The following TBC1D5 variants were observed in gnomAD, a reference collection of about 807,000 sequenced individuals.
TBC1D5 encodes the protein TBC1 domain family member 5.
In TBC1D5, 75 loss-of-function variants were observed where a neutral mutation model predicts 100.3. The ratio of observed to expected loss-of-function variants is 0.75; its 90% CI spans 0.62 to 0.91. The LOEUF (loss-of-function observed/expected upper bound fraction) is 0.91, where lower values mean the gene tolerates loss of function less well. TBC1D5 is among the 40% of genes least tolerant of loss of function. TBC1D5 has a pLI of 0.00. For synonymous variants in TBC1D5, 323 were observed against 325.6 expected, an observed-to-expected ratio of 0.99 and a Z score of 0.09; for missense variants, 910 against 942.4, an observed-to-expected ratio of 0.97 and a Z score of 0.45.
chr3:17,402,728 A>C (rs2093678228), intron 8 of TBC1D5, among the ~76,000 whole-genome samples: 1 of 152,138 alleles, frequency 6.6e-6, no homozygotes, highest in Non-Finnish European at 1.5e-5. Context: ...GATTGAGAGA[A>C]GAAATTGTTT....
intron 3 of TBC1D5, among the ~76,000 whole-genome samples, chr3:17,432,582 A>G (rs1416673344): frequency 1.3e-5 from 2 of 152,158 alleles, no homozygotes; most frequent in Admixed American, 1.3e-4. Context: ...TATAATTTTC[A>G]ATTTTCTTTA....
intron 2 of TBC1D5, among the ~76,000 whole-genome samples, chr3:17,549,701 C>T (rs1434783134): frequency 2.0e-5 from 3 of 152,152 alleles, no homozygotes; most frequent in African/African-American, 7.2e-5. Context: ...GAGGCCAAGG[C>T]TGTTGGATCA....
chr3:17,548,817 A>AT (rs2096444728), intron 2 of TBC1D5, among the ~76,000 whole-genome samples: 1 of 152,224 alleles, frequency 6.6e-6, no homozygotes, highest in Non-Finnish European at 1.5e-5. Context: ...CTTAAGCTAC[A>AT]AAACATACAA....
At chr3:17,660,179 T>C (rs1388207598) in intron 1 of TBC1D5, among the ~76,000 whole-genome samples, 1 of 152,228 alleles carries the variant, frequency 6.6e-6, no homozygotes, top group Non-Finnish European at 1.5e-5. Context: ...TTTTCATTTC[T>C]GTGTTCTGTA....
intron 14 of TBC1D5, among the ~76,000 whole-genome samples, chr3:17,304,317 C>T (rs1278137342): frequency 2.6e-5 from 4 of 152,196 alleles, no homozygotes; most frequent in Admixed American, 2.6e-4. Flanking sequence ...TCCTGTCTCT[C>T]ACTGGGGAAC....
intron 3 of TBC1D5, chr3:17,465,324 T>C (rs2095283818): frequency 5.5e-6 from 1 of 180,664 alleles, no homozygotes; most frequent in Non-Finnish European, 1.2e-5. Context: ...AACTGTGCAC[T>C]GATAGCAGGC....
intron 2 of TBC1D5, among the ~76,000 whole-genome samples, chr3:17,602,123 G>A (rs1001243757): frequency 6.6e-5 from 10 of 152,114 alleles, no homozygotes; most frequent in African/African-American, 9.7e-5. Flanking sequence ...AAGCCATTGC[G>A]CCCGGCCAAT....
chr3:17,296,754 T>C (rs536988544), intron 14 of TBC1D5, among the ~76,000 whole-genome samples: 4 of 152,352 alleles, frequency 2.6e-5, no homozygotes, highest in South Asian at 4.1e-4. Context: ...ACAACCATCC[T>C]TGAAACCTAA....
intron 3 of TBC1D5, among the ~76,000 whole-genome samples, chr3:17,484,589 A>G (rs2095538738): frequency 6.6e-6 from 1 of 151,962 alleles, no homozygotes; most frequent in Non-Finnish European, 1.5e-5. Context: ...CCTCCCACTC[A>G]GGCTCAAGTG....
chr3:17,653,163 G>C (rs1286464502), intron 1 of TBC1D5, among the ~76,000 whole-genome samples: 1 of 152,034 alleles, frequency 6.6e-6, no homozygotes, highest in Non-Finnish European at 1.5e-5. Flanking sequence ...GAGGAGTATG[G>C]GGACAGGTGA....
intron 8 of TBC1D5, among the ~76,000 whole-genome samples, chr3:17,388,066 C>A (rs2093224795): frequency 6.6e-6 from 1 of 151,878 alleles, no homozygotes; most frequent in Admixed American, 6.6e-5. Context: ...TAGAGATGAA[C>A]AGCAAAGATT....
intron 17 of TBC1D5, among the ~76,000 whole-genome samples, chr3:17,222,882 AT>A (rs1342465241): frequency 6.6e-6 from 1 of 152,036 alleles, no homozygotes; most frequent in Non-Finnish European, 1.5e-5. Context: ...TTAATCTAAA[AT>A]TTCAGGTAGA....
At chr3:17,484,500 A>C (rs1255738232) in intron 3 of TBC1D5, among the ~76,000 whole-genome samples, 1 of 133,966 alleles carries the variant, frequency 7.5e-6, no homozygotes, top group Non-Finnish European at 1.5e-5. Context: ...TTGGGTAACA[A>C]TCATAATTAC....
At chr3:17,383,401 C>T (rs73156346) in intron 9 of TBC1D5, among the ~76,000 whole-genome samples, 10,241 of 151,506 alleles carry the variant, frequency 0.068, 691 homozygotes, top group African/African-American at 0.18. Flanking sequence ...TAAAACAACC[C>T]AATAATCTTC....
chr3:17,513,278 G>A (rs1256730411), intron 2 of TBC1D5, among the ~76,000 whole-genome samples: 1 of 151,446 alleles, frequency 6.6e-6, no homozygotes, highest in Non-Finnish European at 1.5e-5. Context: ...GTTGCAGTGA[G>A]CCAAGATCGT....
At chr3:17,666,975 A>T (rs1032385942) in intron 1 of TBC1D5, among the ~76,000 whole-genome samples, 1 of 152,126 alleles carries the variant, frequency 6.6e-6, no homozygotes, top group Non-Finnish European at 1.5e-5. Flanking sequence ...TTCACTCAAC[A>T]GTTAGTGAAT....
At chr3:17,612,177 G>A (rs1365938571) in intron 2 of TBC1D5, among the ~76,000 whole-genome samples, 1 of 151,574 alleles carries the variant, frequency 6.6e-6, no homozygotes, top group African/African-American at 2.4e-5. Context: ...GTGTGTACCT[G>A]TAGTCCCAGT....
intron 2 of TBC1D5, among the ~76,000 whole-genome samples, chr3:17,525,728 C>T (rs9821318): frequency 0.49 from 74,053 of 149,806 alleles, 19,975 homozygotes; most frequent in African/African-American, 0.68. Context: ...CTCCCTTCCA[C>T]GTCTTTTTAG....
At chr3:17,583,884 A>T (rs1439693920) in intron 2 of TBC1D5, among the ~76,000 whole-genome samples, 1 of 152,236 alleles carries the variant, frequency 6.6e-6, no homozygotes, top group East Asian at 1.9e-4. Flanking sequence ...GAGAATAGGT[A>T]CTCAAACAGG....
Sources: allele counts gnomAD v4.1 joint callset (sites outside exome capture counted in the v4.1 genomes callset), GRCh38; gene constraint gnomAD v4.1.1; transcripts MANE v1.5; gene names NCBI Gene and HGNC (gene_info 2026-07-23, HGNC 2026-07-21).